Variants in TOP6BL observed in about 807,000 individuals in gnomAD.
TOP6BL encodes TOP6B like initiator of meiotic double strand breaks.
chr11:66,828,338 C>T, the TOP6BL span: 1 of 1,613,374 alleles, frequency 6.2e-7, no homozygotes, highest in East Asian at 2.2e-5. Flanking sequence ...CCAATTTCTT[C>T]ACCACTGCTC....
At chr11:66,766,752 C>T in the TOP6BL span, among the ~76,000 whole-genome samples, 3 of 152,162 alleles carry the variant, frequency 2.0e-5, no homozygotes, top group Non-Finnish European at 4.4e-5. Flanking sequence ...TATTTTTCCC[C>T]CTCTTGATCA....
At chr11:66,801,338 C>G in the TOP6BL span, among the ~76,000 whole-genome samples, 9 of 152,106 alleles carry the variant, frequency 5.9e-5, no homozygotes, top group Non-Finnish European at 1.2e-4. Context: ...CTCTTCAGGC[C>G]TTATTTTACA....
the TOP6BL span, among the ~76,000 whole-genome samples, chr11:66,773,292 G>A: frequency 2.0e-5 from 3 of 151,548 alleles, no homozygotes; most frequent in African/African-American, 4.8e-5. Flanking sequence ...GGGCTCAAGC[G>A]ATCCTCTTGC....
the TOP6BL span, among the ~76,000 whole-genome samples, chr11:66,800,467 A>G: frequency 6.6e-6 from 1 of 152,272 alleles, no homozygotes; most frequent in Non-Finnish European, 1.5e-5. Context: ...ATATACATAT[A>G]TCAAAACACC....
At chr11:66,758,970 G>T in the TOP6BL span, 1 of 1,139,280 alleles carries the variant, frequency 8.8e-7, no homozygotes, top group South Asian at 1.7e-5. Flanking sequence ...CAGTTTTTTA[G>T]ACTCTCATTT....
chr11:66,814,383 C>T, the TOP6BL span, among the ~76,000 whole-genome samples: 5 of 152,148 alleles, frequency 3.3e-5, no homozygotes, highest in Middle Eastern at 3.4e-3. Context: ...CTCACCCTTC[C>T]GAGTAGCTGG....
At chr11:66,745,309 C>CGGGGGGGG in the TOP6BL span, among the ~76,000 whole-genome samples, 1 of 11,798 alleles carries the variant, frequency 8.5e-5, no homozygotes, top group Non-Finnish European at 1.9e-4. Context: ...CGTTGCGGGG[C>CGGGGGGGG]GGGGTGGGGG....
chr11:66,775,952 T>G, the TOP6BL span, among the ~76,000 whole-genome samples: 1 of 152,166 alleles, frequency 6.6e-6, no homozygotes, highest in Non-Finnish European at 1.5e-5. Context: ...AATTCATCCC[T>G]TATTAATTTG....
chr11:66,801,109 G>A, the TOP6BL span: 1 of 1,612,034 alleles, frequency 6.2e-7, no homozygotes, highest in Non-Finnish European at 8.5e-7. Context: ...TGAGGTGAAG[G>A]CGTAAAGCCT....
At chr11:66,758,628 A>G in the TOP6BL span, among the ~76,000 whole-genome samples, 18 of 152,122 alleles carry the variant, frequency 1.2e-4, 1 homozygote, top group Non-Finnish European at 2.4e-4. Context: ...TTTTCTATTT[A>G]AGGGTAAAAT....
the TOP6BL span, among the ~76,000 whole-genome samples, chr11:66,806,270 T>C: frequency 2.0e-5 from 3 of 152,210 alleles, no homozygotes; most frequent in Non-Finnish European, 4.4e-5. Flanking sequence ...TGCTTTAAAA[T>C]GAGGATGATA....
chr11:66,762,551 C>G, the TOP6BL span: 1 of 184,220 alleles, frequency 5.4e-6, no homozygotes, highest in Non-Finnish European at 1.1e-5. Context: ...TTCACTGCAA[C>G]CTTCCGCCTC....
At chr11:66,785,104 C>T in the TOP6BL span, among the ~76,000 whole-genome samples, 6 of 151,710 alleles carry the variant, frequency 4.0e-5, no homozygotes, top group Non-Finnish European at 8.8e-5. Flanking sequence ...TACAGGCATT[C>T]ACCACCATGC....
chr11:66,773,698 A>T, the TOP6BL span, among the ~76,000 whole-genome samples: 1 of 152,054 alleles, frequency 6.6e-6, no homozygotes, highest in Non-Finnish European at 1.5e-5. Flanking sequence ...TTGATTAGAG[A>T]CAGTTCTACG....
the TOP6BL span, among the ~76,000 whole-genome samples, chr11:66,776,383 A>G: frequency 5.9e-5 from 9 of 152,092 alleles, no homozygotes; most frequent in Admixed American, 1.3e-4. Flanking sequence ...TTTCCTTGTC[A>G]TATTGTATTG....
the TOP6BL span, among the ~76,000 whole-genome samples, chr11:66,796,785 GAA>G: frequency 6.3e-5 from 6 of 95,424 alleles, no homozygotes; most frequent in Admixed American, 2.2e-4. Flanking sequence ...CCTGTCTTTG[GAA>G]AAAAAAAAAA....
At chr11:66,805,453 G>A in the TOP6BL span, among the ~76,000 whole-genome samples, 10 of 151,990 alleles carry the variant, frequency 6.6e-5, no homozygotes, top group East Asian at 1.9e-3. Context: ...GAAAGTTGAT[G>A]GAGGGGCTTT....
At chr11:66,762,458 G>C in the TOP6BL span, 1 of 284,332 alleles carries the variant, frequency 3.5e-6, no homozygotes. Context: ...TAGGTACCCA[G>C]AGTACCCTTT....
At chr11:66,787,290 T>C in the TOP6BL span, among the ~76,000 whole-genome samples, 4 of 152,080 alleles carry the variant, frequency 2.6e-5, no homozygotes, top group African/African-American at 9.7e-5. Context: ...GTTAAAACAT[T>C]ATGAGATATG....
Sources: gnomAD v4.1 joint callset for allele counts (sites outside exome capture counted in the v4.1 genomes callset) on GRCh38, gnomAD v4.1.1 for gene constraint, MANE v1.5 for transcripts, NCBI Gene and HGNC (gene_info 2026-07-23, HGNC 2026-07-21) for gene names.